The following DNAAF9 variants were observed in gnomAD, a reference collection of about 807,000 sequenced individuals.
DNAAF9 encodes shulin.
In DNAAF9, 90 loss-of-function variants were observed where a neutral mutation model predicts 167.0. The observed-to-expected ratio is 0.54, with a 90% CI of 0.45 to 0.64. DNAAF9 has a LOEUF of 0.64. Ranked by LOEUF, DNAAF9 falls within the 30% of genes least tolerant of loss-of-function variation. The probability of loss-of-function intolerance (pLI) is 0.00; values close to 1 mark genes in which losing one functional copy is unlikely to be tolerated. For missense variants in DNAAF9, 1,315 were observed against 1,442.2 expected (o/e 0.91, Z 1.43); for synonymous variants, 491 against 508.8 (o/e 0.96, Z 0.47).
intron 20 of DNAAF9, 33 bp downstream of exon 20, chr20:3,315,000 A>C: frequency 7.4e-5 from 88 of 1,184,958 alleles, no homozygotes; most frequent in Non-Finnish European, 1.0e-4. Flanking sequence ...GGACCCAGAC[A>C]TGGCCAAAAA....
intron 13 of DNAAF9, among the ~76,000 whole-genome samples, chr20:3,325,327 C>T (rs1401114233): frequency 1.3e-5 from 2 of 152,196 alleles, no homozygotes; most frequent in Non-Finnish European, 2.9e-5. Flanking sequence ...TGGGAAGGAA[C>T]CTCTGCCCTC....
intron 20 of DNAAF9, chr20:3,307,100 A>G: frequency 1.0e-6 from 1 of 985,280 alleles, no homozygotes; most frequent in Non-Finnish European, 1.2e-6. Flanking sequence ...AGATTGGAGA[A>G]GCTGGCACAT....
intron 26 of DNAAF9, among the ~76,000 whole-genome samples, 189 bp downstream of exon 26, chr20:3,289,940 T>C (rs1163911482): frequency 6.6e-6 from 1 of 152,226 alleles, no homozygotes; most frequent in Non-Finnish European, 1.5e-5. Context: ...TGTTCATCGA[T>C]GTATTCTCTC....
In DNAAF9 at chr20:3,406,319, T is replaced by A. The variant is rs139299083; in HGVS notation, c.83+1156A>T. On this transcript the variant is annotated intron_variant, in intron 1 of 36. Transcript: ENST00000252032. ...TACCATAACAAGAATATAAGAAAACTGTTTTAACATGTAGATTGGCAACCT... is the reference window on the plus strand; with the variant it reads ...TACCATAACAAGAATATAAGAAAACAGTTTTAACATGTAGATTGGCAACCT... Among the ~76,000 whole-genome samples the A allele has an allele frequency of 1.4e-4, 21 of 152,282 alleles. No homozygotes were observed. In the East Asian group the frequency reaches 3.3e-3, roughly 24 times the overall value.
chr20:3,292,193 T>G (rs1273218533), intron 25 of DNAAF9, among the ~76,000 whole-genome samples: 1 of 151,872 alleles, frequency 6.6e-6, no homozygotes, highest in African/African-American at 2.4e-5. Context: ...AGAGGCGCGG[T>G]TTCACCTTGT....
At chr20:3,306,938 C>T in intron 20 of DNAAF9, 1 of 985,292 alleles carries the variant, frequency 1.0e-6, no homozygotes, top group Non-Finnish European at 1.2e-6. Flanking sequence ...ACTGCTCCTG[C>T]TGCTGAGTGG....
At chr20:3,303,020 C>T (rs887658141) in intron 21 of DNAAF9, among the ~76,000 whole-genome samples, 4 of 152,120 alleles carry the variant, frequency 2.6e-5, no homozygotes, top group African/African-American at 4.8e-5. Flanking sequence ...GAGTGGATCA[C>T]GAGGTCAGGA....
intron 3 of DNAAF9, among the ~76,000 whole-genome samples, chr20:3,380,751 C>T (rs1283509420): frequency 6.6e-6 from 1 of 152,144 alleles, no homozygotes; most frequent in African/African-American, 2.4e-5. Context: ...TCTCCTGACC[C>T]ATCTGGCATA....
rs924458818 is a variant in DNAAF9, at chr20:3,371,544, C to T, written c.612+2504G>A. 2.1e-4 allele frequency among the ~76,000 whole-genome samples: 32 copies of T among 151,954 alleles called. No homozygotes were observed. In the East Asian group the frequency reaches 4.6e-3, roughly 22 times the overall value. On this transcript the variant is annotated intron_variant, in intron 6 of 36. Transcript: ENST00000252032. ...ATTTTTAGTAGAGACGGGGTTTCACCGTGTTACCCAGGATGGTCTCGATCT... is the reference window on the plus strand; with the variant it reads ...ATTTTTAGTAGAGACGGGGTTTCACTGTGTTACCCAGGATGGTCTCGATCT...
At chr20:3,337,369 T>C (rs1460653797) in intron 10 of DNAAF9, among the ~76,000 whole-genome samples, 1 of 150,800 alleles carries the variant, frequency 6.6e-6, no homozygotes, top group African/African-American at 2.4e-5. Context: ...GTTCAAGCAC[T>C]TCTCCTGCCT....
chr20:3,295,813 CA>C, intron 23 of DNAAF9: 2 of 884,570 alleles, frequency 2.3e-6, no homozygotes, highest in Non-Finnish European at 3.7e-6. Flanking sequence ...AGTGGATCAT[CA>C]AAATTCAAAA....
rs2068168908 is a variant in DNAAF9, at chr20:3,249,547, A to G, written c.*3025T>C. On this transcript the variant is annotated 3_prime_UTR_variant, in exon 37 of 37. Coordinates refer to ENST00000252032, the MANE Select transcript of DNAAF9 (RefSeq NM_001009984.3). ...AAATACGAGTTTTAAAATTTAAGTT[A>G]CAAATATTAAAGCACTGAAAAACTA... 6.6e-6 allele frequency: 1 copy of G among 152,224 alleles called. No individual in the cohort carries two copies. Among genetic ancestry groups the G allele is most frequent in the Non-Finnish European group, 1.5e-5 (1 of 68,038 alleles). 9.4% of individuals were successfully genotyped at this position (152,224 alleles called of 1,614,324 possible). A position where few individuals can be genotyped will look rare whatever the true frequency, so the allele number is the denominator to read the frequency against.
At position 3,407,559 on chromosome 20, in the gene DNAAF9, G is replaced by T. The variant is rs1263112673; in HGVS notation, c.-2C>A. 7.5e-5 allele frequency: 93 copies of T among 1,238,172 alleles called. No homozygotes were observed. Among genetic ancestry groups the T allele is most frequent in the Non-Finnish European group, 9.3e-5 (92 of 991,880 alleles). 76.7% of individuals were successfully genotyped at this position (1,238,172 alleles called of 1,614,324 possible). ...CCGGCGCGGGGGGTACACGTCCATGGCGGCGGACGACTGGCGGCGGAGGAG... is the reference window on the plus strand; with the variant it reads ...CCGGCGCGGGGGGTACACGTCCATGTCGGCGGACGACTGGCGGCGGAGGAG... On this transcript the variant is annotated 5_prime_UTR_variant, in exon 1 of 37. Coordinates refer to ENST00000252032, the MANE Select transcript of DNAAF9 (RefSeq NM_001009984.3).
At chr20:3,369,167 C>G (rs958074656) in intron 6 of DNAAF9, among the ~76,000 whole-genome samples, 1 of 150,562 alleles carries the variant, frequency 6.6e-6, no homozygotes, top group African/African-American at 2.4e-5. Flanking sequence ...TCCTTAGTGT[C>G]TGAAATGTCA....
chr20:3,285,765 G>A (rs557509284), intron 27 of DNAAF9, among the ~76,000 whole-genome samples: 1 of 151,252 alleles, frequency 6.6e-6, no homozygotes, highest in African/African-American at 2.4e-5. Flanking sequence ...GATCACCTGA[G>A]GTCAGGAGTT....
intron 8 of DNAAF9, among the ~76,000 whole-genome samples, chr20:3,344,881 T>C (rs947354144): frequency 1.3e-5 from 2 of 152,156 alleles, no homozygotes; most frequent in Admixed American, 6.5e-5. Context: ...TGGGACCTCA[T>C]TGTTTGTTGT....
chr20:3,315,799 G>T lies in DNAAF9; in HGVS notation c.1540-14C>A. ...ATTATCTTCCACCTGTGTCCAAAAG[G>T]AATGCAGATTTTCAGTCAACTACTT... On this transcript the variant is annotated splice_polypyrimidine_tract_variant and intron_variant, in intron 18 of 36. Transcript: ENST00000252032. The surrounding 1 kb of genome is among the most constrained non-coding windows in gnomAD (Gnocchi z 4.1). 1.2e-6 allele frequency: 2 copies of T among 1,610,704 alleles called. No individual in the cohort carries two copies. The highest frequency in any genetic ancestry group is 1.7e-6 in the Non-Finnish European group (2 of 1,176,890).
chr20:3,340,433 T>TCCGGGGCCCCCCCCCCCCCCCC, intron 10 of DNAAF9, 71 bp downstream of exon 10: 1 of 221,214 alleles, frequency 4.5e-6, no homozygotes, highest in Non-Finnish European at 9.5e-6. Context: ...TTTGTCTAGC[T>TCCGGGGCCCCCCCCCCCCCCCC]CCCCCCACCC....
intron 17 of DNAAF9, among the ~76,000 whole-genome samples, chr20:3,317,552 T>A (rs1243937904): frequency 6.6e-6 from 1 of 152,124 alleles, no homozygotes; most frequent in South Asian, 2.1e-4. Context: ...ATCTTTAGAA[T>A]ATTTTGCCAA....
Sources: allele counts gnomAD v4.1 joint callset (sites outside exome capture counted in the v4.1 genomes callset), GRCh38; gene constraint gnomAD v4.1.1; non-coding constraint Gnocchi (gnomAD v3.1); transcripts MANE v1.5; gene names NCBI Gene and HGNC (gene_info 2026-07-23, HGNC 2026-07-21).